FHIT: variants seen among roughly 807,000 people sequenced by gnomAD.
The protein encoded by FHIT is bis(5'-adenosyl)-triphosphatase.
A neutral mutation model predicts 17.9 loss-of-function variants in FHIT; 19 were observed. The ratio of observed to expected loss-of-function variants is 1.06; its 90% CI spans 0.74 to 1.56. FHIT has a LOEUF of 1.56. FHIT is among the 40% of genes most tolerant of loss of function. The pLI is 0.00. For missense variants in FHIT, 248 were observed against 189.2 expected (o/e 1.31, Z -1.82); for synonymous variants, 81 against 69.7 (o/e 1.16, Z -0.81).
At chr3:60,161,355 G>A (rs1700930595) in intron 5 of FHIT, among the ~76,000 whole-genome samples, 1 of 152,136 alleles carries the variant, frequency 6.6e-6, no homozygotes, top group Admixed American at 6.5e-5. Context: ...GGCCAATCCT[G>A]AATAAATGTT....
rs111326296 is a variant in FHIT, at chr3:60,557,403, C to CA, written c.-17-20425dup. Among the ~76,000 whole-genome samples, 116 of 139,982 alleles carry CA rather than the reference C, an allele frequency of 8.3e-4. 1 individual carries two copies. The highest frequency in any genetic ancestry group is 7.2e-3 in the Middle Eastern group (2 of 278). The allele number at this position is 139,982 out of a possible 152,430, so 91.8% of individuals were successfully genotyped here. A position where few individuals can be genotyped will look rare whatever the true frequency, so the allele number is the denominator to read the frequency against. ...TGAGCGGAGGAGGTGACAGGAAGAA[C>CA]AAAAAAAAAAATAGACATGATGTCA... On this transcript the variant is annotated intron_variant, in intron 4 of 9. Transcript: ENST00000492590.
chr3:60,792,193 G>C (rs1213918234), intron 4 of FHIT, among the ~76,000 whole-genome samples: 1 of 152,166 alleles, frequency 6.6e-6, no homozygotes, highest in Non-Finnish European at 1.5e-5. Context: ...TTTAGACACC[G>C]TTTTCTCCTC....
chr3:60,102,554 A>G (rs1292522204), intron 5 of FHIT, among the ~76,000 whole-genome samples: 1 of 152,142 alleles, frequency 6.6e-6, no homozygotes, highest in African/African-American at 2.4e-5. Flanking sequence ...CATCTCCCCA[A>G]GAAGGCACAA....
intron 3 of FHIT, among the ~76,000 whole-genome samples, chr3:60,952,716 A>G (rs375854825): frequency 4.7e-4 from 71 of 152,366 alleles, no homozygotes; most frequent in African/African-American, 1.7e-3. Context: ...ACGTCCAGCT[A>G]TACCAGAAGG....
intron 4 of FHIT, among the ~76,000 whole-genome samples, chr3:60,565,154 T>C (rs990970230): frequency 3.3e-5 from 5 of 152,208 alleles, no homozygotes; most frequent in Non-Finnish European, 5.9e-5. Flanking sequence ...TTTTTAGGAA[T>C]AATGATATTG....
chr3:59,978,500 G>C (rs1708509954), intron 7 of FHIT, among the ~76,000 whole-genome samples: 1 of 151,534 alleles, frequency 6.6e-6, no homozygotes, highest in Non-Finnish European at 1.5e-5. Flanking sequence ...ATAAATATTA[G>C]AGGCTGGAAT....
intron 8 of FHIT, among the ~76,000 whole-genome samples, chr3:59,808,287 T>C (rs1449590929): frequency 6.6e-6 from 1 of 152,186 alleles, no homozygotes; most frequent in Non-Finnish European, 1.5e-5. Flanking sequence ...CTTAGGATGC[T>C]TGAATTCAGG....
chr3:59,984,144 G>A (rs1414625304), intron 7 of FHIT, among the ~76,000 whole-genome samples: 1 of 152,056 alleles, frequency 6.6e-6, no homozygotes, highest in Non-Finnish European at 1.5e-5. Context: ...TGTTTTCCCA[G>A]TAGTAGCAGG....
At chr3:60,467,436 T>C (rs1382707031) in intron 5 of FHIT, among the ~76,000 whole-genome samples, 1 of 152,092 alleles carries the variant, frequency 6.6e-6, no homozygotes, top group East Asian at 1.9e-4. Context: ...TTAGTTTTTC[T>C]ACTTTTTGAT....
At chr3:60,527,773 T>A (rs1209253655) in intron 5 of FHIT, among the ~76,000 whole-genome samples, 1 of 152,168 alleles carries the variant, frequency 6.6e-6, no homozygotes. Flanking sequence ...AGGTTTAAAC[T>A]CTAGGGAGAA....
chr3:60,209,983 C>T (rs191892046), intron 5 of FHIT, among the ~76,000 whole-genome samples: 11 of 152,148 alleles, frequency 7.2e-5, no homozygotes, highest in African/African-American at 2.6e-4. Context: ...TCAATAGGTG[C>T]AGCAAACCAC....
At chr3:60,393,361 C>T (rs990413388) in intron 5 of FHIT, among the ~76,000 whole-genome samples, 40 of 150,474 alleles carry the variant, frequency 2.7e-4, no homozygotes, top group African/African-American at 9.0e-4. Context: ...ACTTTGTGCA[C>T]TAATTGAAAA....
intron 1 of FHIT, among the ~76,000 whole-genome samples, chr3:61,241,151 T>C (rs2040364832): frequency 6.6e-6 from 1 of 152,184 alleles, no homozygotes; most frequent in African/African-American, 2.4e-5. Context: ...ACTCTCTGCA[T>C]TTGTTTTACC....
chr3:60,534,546 T>C (rs12486187), intron 5 of FHIT, among the ~76,000 whole-genome samples: 1 of 151,316 alleles, frequency 6.6e-6, no homozygotes, highest in Admixed American at 6.6e-5. Flanking sequence ...ATAAAAAGCA[T>C]TGTCTGAATA....
intron 2 of FHIT, among the ~76,000 whole-genome samples, chr3:61,047,776 A>T (rs554288442): frequency 1.3e-5 from 2 of 152,130 alleles, no homozygotes; most frequent in African/African-American, 4.8e-5. Flanking sequence ...ACCAAAACAG[A>T]GATATAGACC....
At chr3:59,938,419 G>C (rs1371512170) in intron 7 of FHIT, among the ~76,000 whole-genome samples, 1 of 152,112 alleles carries the variant, frequency 6.6e-6, no homozygotes, top group African/African-American at 2.4e-5. Flanking sequence ...AGAATGGGGA[G>C]ATACAGGTCA....
At chr3:60,928,841 G>C (rs1364782668) in intron 3 of FHIT, among the ~76,000 whole-genome samples, 2 of 152,156 alleles carry the variant, frequency 1.3e-5, no homozygotes, top group African/African-American at 4.8e-5. Context: ...TAGAAAAAGA[G>C]GGAATCCTCC....
intron 5 of FHIT, among the ~76,000 whole-genome samples, chr3:60,350,066 T>G (rs887084694): frequency 6.6e-6 from 1 of 152,150 alleles, no homozygotes; most frequent in Non-Finnish European, 1.5e-5. Context: ...CTGTAAGTAA[T>G]GACTAGGTTC....
chr3:61,078,041 G>A (rs977617282), intron 2 of FHIT, among the ~76,000 whole-genome samples: 5 of 152,084 alleles, frequency 3.3e-5, no homozygotes, highest in Admixed American at 6.6e-5. Flanking sequence ...TGGGGAGAGC[G>A]GTGGTTAGTT....
Sources: allele counts gnomAD v4.1 joint callset (sites outside exome capture counted in the v4.1 genomes callset), GRCh38; gene constraint gnomAD v4.1.1; transcripts MANE v1.5; gene names NCBI Gene and HGNC (gene_info 2026-07-23, HGNC 2026-07-21).